MAGI2: variants seen among roughly 807,000 people sequenced by gnomAD.
MAGI2 encodes the protein membrane-associated guanylate kinase, WW and PDZ domain-containing protein 2.
MAGI2 carries 35 observed loss-of-function variants against 133.3 expected under a neutral mutation model. That is an observed-to-expected ratio of 0.26 (90% confidence interval 0.20 to 0.35). The LOEUF (loss-of-function observed/expected upper bound fraction) is 0.35. MAGI2 is among the 10% of genes least tolerant of loss of function. MAGI2 has a pLI of 1.00. For synonymous variants in MAGI2, 729 were observed against 710.6 expected (o/e 1.03, Z -0.41); for missense variants, 1,636 against 1,863.4 (o/e 0.88, Z 2.25).
At chr7:78,843,933 A>G (rs1792363204) in intron 2 of MAGI2, among the ~76,000 whole-genome samples, 1 of 149,290 alleles carries the variant, frequency 6.7e-6, no homozygotes, top group Admixed American at 6.7e-5. Context: ...TTCATTTTTG[A>G]TTATTTTCTT....
chr7:78,201,978 A>G (rs1389934068), intron 10 of MAGI2, among the ~76,000 whole-genome samples: 5 of 152,214 alleles, frequency 3.3e-5, no homozygotes, highest in African/African-American at 9.6e-5. Context: ...TATGAAATCA[A>G]TTTTTTAAAA....
chr7:79,407,599 C>T (rs371024157), intron 1 of MAGI2, among the ~76,000 whole-genome samples: 14 of 152,172 alleles, frequency 9.2e-5, no homozygotes, highest in South Asian at 8.3e-4. Context: ...GTTGGTATGA[C>T]GAACATTGCT....
intron 10 of MAGI2, among the ~76,000 whole-genome samples, chr7:78,238,091 C>T (rs1206618824): frequency 6.6e-6 from 1 of 152,130 alleles, no homozygotes; most frequent in East Asian, 1.9e-4. Flanking sequence ...TTTTCTTCTT[C>T]CTCACAAGTT....
chr7:78,906,448 T>C (rs1290451520), intron 2 of MAGI2, among the ~76,000 whole-genome samples: 1 of 152,216 alleles, frequency 6.6e-6, no homozygotes, highest in Admixed American at 6.5e-5. Context: ...TGCATACTGA[T>C]GTTGACTTGG....
chr7:78,448,922 C>T (rs764144111), intron 6 of MAGI2, among the ~76,000 whole-genome samples: 1 of 151,962 alleles, frequency 6.6e-6, no homozygotes, highest in Non-Finnish European at 1.5e-5. Flanking sequence ...CACAGTGTCT[C>T]GTAGAGCGAA....
chr7:78,862,945 C>T (rs1414463538), intron 2 of MAGI2, among the ~76,000 whole-genome samples: 3 of 152,146 alleles, frequency 2.0e-5, no homozygotes, highest in East Asian at 3.8e-4. Context: ...ACATTATCAA[C>T]TTTTTTCTGC....
At chr7:78,713,505 T>A (rs955727863) in intron 2 of MAGI2, among the ~76,000 whole-genome samples, 5 of 152,142 alleles carry the variant, frequency 3.3e-5, no homozygotes, top group Non-Finnish European at 7.4e-5. Context: ...ATGAGATATA[T>A]CAAGGAATTC....
intron 6 of MAGI2, among the ~76,000 whole-genome samples, chr7:78,461,048 A>G (rs958377068): frequency 6.6e-6 from 1 of 151,726 alleles, no homozygotes; most frequent in Non-Finnish European, 1.5e-5. Flanking sequence ...CAACCTTTCT[A>G]TCTACCTATC....
intron 2 of MAGI2, among the ~76,000 whole-genome samples, chr7:78,945,100 A>G (rs1169692749): frequency 6.6e-6 from 1 of 151,492 alleles, no homozygotes; most frequent in Non-Finnish European, 1.5e-5. Context: ...TGTTCCCCAC[A>G]CTGGAGTGTG....
At chr7:79,179,897 G>A (rs1585132333) in intron 1 of MAGI2, among the ~76,000 whole-genome samples, 1 of 151,992 alleles carries the variant, frequency 6.6e-6, no homozygotes, top group Non-Finnish European at 1.5e-5. Flanking sequence ...AAAAGCGCAG[G>A]CAACAAAAAG....
intron 9 of MAGI2, among the ~76,000 whole-genome samples, chr7:78,290,222 G>C (rs886671071): frequency 4.6e-5 from 7 of 152,144 alleles, no homozygotes; most frequent in Non-Finnish European, 8.8e-5. Context: ...CACATGCAGA[G>C]ACACACATAG....
At chr7:78,600,416 A>T (rs899177704) in intron 3 of MAGI2, among the ~76,000 whole-genome samples, 4 of 152,280 alleles carry the variant, frequency 2.6e-5, no homozygotes, top group South Asian at 2.1e-4. Flanking sequence ...TAGATATTCT[A>T]TCCATGAAAT....
intron 1 of MAGI2, among the ~76,000 whole-genome samples, chr7:79,072,385 A>G (rs908580119): frequency 6.6e-6 from 1 of 152,196 alleles, no homozygotes; most frequent in African/African-American, 2.4e-5. Flanking sequence ...TCTTTGGTAA[A>G]TTGAAGGCTG....
intron 6 of MAGI2, among the ~76,000 whole-genome samples, chr7:78,385,022 G>A (rs569717605): frequency 2.8e-4 from 43 of 152,256 alleles, no homozygotes; most frequent in African/African-American, 7.9e-4. Context: ...TGCTTTTGCC[G>A]TGAAACGCAT....
chr7:79,085,242 A>T (rs1051703207), intron 1 of MAGI2, among the ~76,000 whole-genome samples: 2 of 151,774 alleles, frequency 1.3e-5, no homozygotes, highest in Non-Finnish European at 2.9e-5. Flanking sequence ...TTCTTCTGCT[A>T]GTTCAAATCT....
intron 1 of MAGI2, among the ~76,000 whole-genome samples, chr7:79,399,565 C>T (rs889640678): frequency 1.3e-5 from 2 of 152,008 alleles, no homozygotes; most frequent in Admixed American, 6.6e-5. Context: ...GATACACAAC[C>T]GAAAAGCTGT....
intron 2 of MAGI2, among the ~76,000 whole-genome samples, chr7:78,754,566 G>A (rs1823771610): frequency 6.6e-6 from 1 of 151,972 alleles, no homozygotes; most frequent in Non-Finnish European, 1.5e-5. Flanking sequence ...ATTCTTAGAG[G>A]CTCTAAAACT....
chr7:78,196,570 C>T (rs1326468867), intron 11 of MAGI2, among the ~76,000 whole-genome samples: 1 of 152,064 alleles, frequency 6.6e-6, no homozygotes, highest in South Asian at 2.1e-4. Flanking sequence ...CTGGTCTGTC[C>T]ATCATCAATA....
intron 1 of MAGI2, among the ~76,000 whole-genome samples, chr7:79,165,074 T>C (rs77626213): frequency 0.06 from 9,107 of 152,152 alleles, 350 homozygotes; most frequent in Middle Eastern, 0.095. Flanking sequence ...GTCTTATTTT[T>C]AAATCATAGC....
Sources: gnomAD v4.1 joint callset for allele counts (sites outside exome capture counted in the v4.1 genomes callset) on GRCh38, gnomAD v4.1.1 for gene constraint, MANE v1.5 for transcripts, NCBI Gene and HGNC (gene_info 2026-07-23, HGNC 2026-07-21) for gene names.